SCARA5: variants seen among roughly 807,000 people sequenced by gnomAD.
The protein encoded by SCARA5 is scavenger receptor class A, member 5 (putative).
In SCARA5, 45 loss-of-function variants were observed where a neutral mutation model predicts 46.3. The observed-to-expected ratio is 0.97, with a 90% CI of 0.76 to 1.24. SCARA5 has a LOEUF of 1.24. Among genes scored for constraint, SCARA5 ranks in the 50% most tolerant of loss-of-function variants. SCARA5 has a pLI of 0.00. For synonymous variants in SCARA5, 333 were observed against 306.5 expected (o/e 1.09, Z -0.90); for missense variants, 680 against 689.0 (o/e 0.99, Z 0.15).
At position 27,983,550 on chromosome 8, in the gene SCARA5, C is replaced by T. The variant is rs140785923; in HGVS notation, c.112+3954G>A. Among the ~76,000 whole-genome samples the T allele has an allele frequency of 1.6e-4, 25 of 152,334 alleles. 1 individual carries two copies. The East Asian group carries it at 3.9e-3, about 24-fold the overall frequency. Reference sequence around the variant, plus strand: ...GGTAAGGAGACTCAGAGTCCGGTTCCAGCTCCACCACTGATGACTTGAGTG... The same window carrying T: ...GGTAAGGAGACTCAGAGTCCGGTTCTAGCTCCACCACTGATGACTTGAGTG... On this transcript the variant is annotated intron_variant, in intron 2 of 8. Coordinates refer to ENST00000354914, the MANE Select transcript of SCARA5 (RefSeq NM_173833.6).
chr8:27,957,551 C>G (rs1808224878), intron 3 of SCARA5, among the ~76,000 whole-genome samples: 1 of 152,234 alleles, frequency 6.6e-6, no homozygotes, highest in African/African-American at 2.4e-5. Flanking sequence ...CCCTGGCAGT[C>G]TGACTCCGGT....
intron 8 of SCARA5, among the ~76,000 whole-genome samples, chr8:27,876,022 C>T (rs1448671332): frequency 6.6e-6 from 1 of 152,006 alleles, no homozygotes; most frequent in African/African-American, 2.4e-5. Context: ...AAAGAAAGAT[C>T]CCCAGCAGCC....
In SCARA5 at chr8:27,871,902, T is replaced by C; in HGVS notation, c.*32A>G. 1 of 1,613,242 alleles carries C rather than the reference T, an allele frequency of 6.2e-7. No homozygotes were observed. Among genetic ancestry groups the C allele is most frequent in the South Asian group, 1.1e-5 (1 of 91,028 alleles). On this transcript the variant is annotated 3_prime_UTR_variant, in exon 9 of 9. Coordinates refer to ENST00000354914, the MANE Select transcript of SCARA5 (RefSeq NM_173833.6). ...CCAGGGATGCAGGAAGGGTGCTCTG[T>C]GCAGGACCCCGAACTTGGGCTCTGC...
At chr8:27,901,496 A>G (rs1305823130) in intron 7 of SCARA5, among the ~76,000 whole-genome samples, 1 of 152,122 alleles carries the variant, frequency 6.6e-6, no homozygotes, top group Non-Finnish European at 1.5e-5. Context: ...CATGGGCACC[A>G]TGTCTGTCAG....
intron 2 of SCARA5, among the ~76,000 whole-genome samples, chr8:27,972,304 G>T (rs1007905978): frequency 1.3e-5 from 2 of 151,726 alleles, no homozygotes; most frequent in African/African-American, 4.8e-5. Flanking sequence ...GCGACAAAGT[G>T]AGACTCTGTC....
chr8:27,935,831 G>C (rs1316912098), intron 3 of SCARA5, among the ~76,000 whole-genome samples: 1 of 152,176 alleles, frequency 6.6e-6, no homozygotes, highest in Non-Finnish European at 1.5e-5. Context: ...TGGAGCCATG[G>C]GGAAGGGCCA....
intron 3 of SCARA5, among the ~76,000 whole-genome samples, chr8:27,942,250 T>C (rs1167445826): frequency 6.6e-6 from 1 of 152,146 alleles, no homozygotes; most frequent in Non-Finnish European, 1.5e-5. Context: ...TCCACGTGCC[T>C]TTATCCCACC....
chr8:27,978,635 G>A (rs1020122241), intron 2 of SCARA5, among the ~76,000 whole-genome samples: 9 of 151,964 alleles, frequency 5.9e-5, no homozygotes, highest in South Asian at 2.1e-4. Context: ...TCAGCCTCCC[G>A]AGTAGCTAGG....
chr8:27,881,969 C>T (rs866839438), intron 7 of SCARA5, among the ~76,000 whole-genome samples: 16 of 152,328 alleles, frequency 1.1e-4, no homozygotes, highest in Middle Eastern at 3.4e-3. Context: ...TTCGCCATTA[C>T]GATATCATAC....
At chr8:27,942,297 G>A (rs1021120582) in intron 3 of SCARA5, among the ~76,000 whole-genome samples, 4 of 152,086 alleles carry the variant, frequency 2.6e-5, no homozygotes, top group East Asian at 1.9e-4. Flanking sequence ...CTGCTGGAAC[G>A]CACAGCTTTT....
rs573121306 is a variant in SCARA5 at position 27,871,839 on chromosome 8, C to T, written c.*95G>A. ...CTGAGAATGCTGGACGGGGTGTGGT[C>T]GAGGCATGGTCAGGGTGGCCCCGAG... On this transcript the variant is annotated 3_prime_UTR_variant, in exon 9 of 9. Coordinates refer to ENST00000354914, the MANE Select transcript of SCARA5 (RefSeq NM_173833.6). The T allele has an allele frequency of 7.1e-5, 113 of 1,585,938 alleles. No individual in the cohort carries two copies. In the African/African-American group the frequency reaches 8.4e-4, roughly 12 times the overall value.
chr8:27,875,792 T>C (rs1341832160), intron 8 of SCARA5, among the ~76,000 whole-genome samples: 1 of 152,152 alleles, frequency 6.6e-6, no homozygotes, highest in Non-Finnish European at 1.5e-5. Flanking sequence ...CCTAACAGTT[T>C]GAGACCAGCC....
intron 2 of SCARA5, among the ~76,000 whole-genome samples, chr8:27,971,599 C>T (rs918986344): frequency 6.6e-6 from 1 of 152,142 alleles, no homozygotes; most frequent in Non-Finnish European, 1.5e-5. Context: ...AAAAACTCTC[C>T]CAAACTCAAA....
chr8:27,879,498 C>G, intron 8 of SCARA5, 71 bp downstream of exon 8: 2 of 1,464,710 alleles, frequency 1.4e-6, no homozygotes, highest in Non-Finnish European at 1.9e-6. Context: ...GGGACTCGGG[C>G]TTTGGAGGTG....
intron 2 of SCARA5, among the ~76,000 whole-genome samples, chr8:27,975,584 G>A (rs878916970): frequency 1.3e-4 from 20 of 152,312 alleles, no homozygotes; most frequent in Middle Eastern, 6.8e-3. Flanking sequence ...GCTGGCATCC[G>A]TTAGAGAACC....
At chr8:27,976,313 C>G (rs1249531815) in intron 2 of SCARA5, among the ~76,000 whole-genome samples, 2 of 152,140 alleles carry the variant, frequency 1.3e-5, no homozygotes, top group Non-Finnish European at 2.9e-5. Context: ...TATGCGGCAT[C>G]AATGCAGTGA....
chr8:27,967,645 G>A (rs1808389993), intron 2 of SCARA5, among the ~76,000 whole-genome samples: 1 of 152,188 alleles, frequency 6.6e-6, no homozygotes, highest in Non-Finnish European at 1.5e-5. Flanking sequence ...AGGCACGGTG[G>A]CTCACACCTG....
chr8:27,931,100 T>C (rs748615112), intron 3 of SCARA5, among the ~76,000 whole-genome samples: 4 of 152,224 alleles, frequency 2.6e-5, no homozygotes, highest in Non-Finnish European at 5.9e-5. Flanking sequence ...GAACATAATA[T>C]TCATTCAGAA....
intron 3 of SCARA5, among the ~76,000 whole-genome samples, chr8:27,959,762 T>C (rs921473360): frequency 2.6e-5 from 4 of 152,188 alleles, no homozygotes; most frequent in African/African-American, 4.8e-5. Flanking sequence ...TGACTCGCAG[T>C]TGTTTTTTGG....
Sources: allele counts gnomAD v4.1 joint callset (sites outside exome capture counted in the v4.1 genomes callset), GRCh38; gene constraint gnomAD v4.1.1; transcripts MANE v1.5; gene names NCBI Gene and HGNC (gene_info 2026-07-23, HGNC 2026-07-21).